The following MAPK8IP2 variants were observed in gnomAD, a reference collection of about 807,000 sequenced individuals.
MAPK8IP2 encodes the protein mitogen-activated protein kinase 8 interacting protein 2.
A neutral mutation model predicts 75.6 loss-of-function variants in MAPK8IP2; 15 were observed. That is an observed-to-expected ratio of 0.20 (90% CI 0.13 to 0.31). MAPK8IP2 has a LOEUF of 0.31. Among genes scored for constraint, MAPK8IP2 ranks in the 10% least tolerant of loss-of-function variants. MAPK8IP2 has a pLI of 1.00. For synonymous variants in MAPK8IP2, 632 were observed against 554.5 expected, an observed-to-expected ratio of 1.14 and a Z score of -1.96; for missense variants, 1,089 against 1,211.2, an observed-to-expected ratio of 0.90 and a Z score of 1.50.
chr22:50,606,528 C>T, intron 8 of MAPK8IP2, 130 bp from the exon 9 acceptor site: 1 of 704,876 alleles, frequency 1.4e-6, no homozygotes. Flanking sequence ...TCCAGAATTG[C>T]ATCTCAGGGT....
Position 50,605,351 on chromosome 22 carries a change from C to T in MAPK8IP2, c.1766-17C>T, listed in dbSNP as rs370839545. The T allele has an allele frequency of 4.3e-5, 70 of 1,610,552 alleles. No individual in the cohort carries two copies. In the Middle Eastern group the frequency reaches 9.9e-4, roughly 23 times the overall value. On this transcript the variant is annotated splice_polypyrimidine_tract_variant and intron_variant, in intron 5 of 11. Transcript: ENST00000329492. Reference sequence around the variant, plus strand: ...GTCTCCCTGTCTCCCCCGCCTCTGTCCTGCCGGGTCTCCCAGGCACCGAGT... The same window carrying T: ...GTCTCCCTGTCTCCCCCGCCTCTGTTCTGCCGGGTCTCCCAGGCACCGAGT...
At position 50,603,421 on chromosome 22, in the gene MAPK8IP2, C is replaced by A; in HGVS notation, c.370C>A (p.Leu124Ile). ...PGSEAPAPGP[L>I]IPSPSVEEPH... ...CTCAGAGGCACCTGCCCCCGGGCCC[C>A]TTATCCCCTCCCCTTCCGTGGAGGA... Residue 124 changes from leucine to isoleucine, a missense_variant, in exon 3 of 12, where the codon CTT (leucine) becomes ATT (isoleucine). Around this residue, in one of 2 missense-constraint regions of MAPK8IP2, gnomAD observed 960 missense variants for 1,009.6 expected, o/e 0.95. Coordinates refer to ENST00000329492, the MANE Select transcript of MAPK8IP2 (RefSeq NM_012324.6). 2 of 1,567,484 alleles carry A rather than the reference C, an allele frequency of 1.3e-6. No individual in the cohort carries two copies. The highest frequency in any genetic ancestry group is 1.7e-6 in the Non-Finnish European group (2 of 1,155,732).
In MAPK8IP2 at chr22:50,604,554, C is replaced by CCGCCCG. The variant is rs1184287009; in HGVS notation, c.1263_1268dup (p.Pro422_Ala423dup). 7 of 1,150,356 alleles carry CCGCCCG rather than the reference C, an allele frequency of 6.1e-6. No individual in the cohort carries two copies. Among genetic ancestry groups the CCGCCCG allele is most frequent in the Non-Finnish European group, 7.4e-6 (7 of 940,102 alleles). 71.3% of individuals were successfully genotyped at this position (1,150,356 alleles called of 1,614,324 possible). On this transcript the variant is annotated inframe_insertion, in exon 5 of 12. Coordinates refer to ENST00000329492, the MANE Select transcript of MAPK8IP2 (RefSeq NM_012324.6). ...CATGGAGACGCTGTGCGCGCCGCCG[C>CCGCCCG]CGCCCGCGCCCGCCGCGCCTCGACC...
chr22:50,608,376 T>A, intron 10 of MAPK8IP2, among the ~76,000 whole-genome samples: 1 of 96,052 alleles, frequency 1.0e-5, no homozygotes, highest in Admixed American at 1.2e-4. Context: ...GGTGGAAAGG[T>A]GGGACAGTGG....
Position 50,606,642 on chromosome 22 carries a change from C to G in MAPK8IP2, c.2125-16C>G. On this transcript the variant is annotated splice_polypyrimidine_tract_variant and intron_variant, in intron 8 of 11. Transcript: ENST00000329492. ...GGGCTCCTCAAGACCCTCTTCTCCC[C>G]CAACTTCTTCTGTAGATTGCCACTG... 6.4e-7 allele frequency: 1 copy of G among 1,571,498 alleles called. No individual in the cohort carries two copies.
Position 50,605,926 on chromosome 22 carries a change from A to G in MAPK8IP2, c.2116A>G (p.Met706Val), listed in dbSNP as rs1603444345. The change falls in exon 8 of 12, where the codon ATG becomes GTG. Residue 706 changes from methionine (M) to valine (V), a missense_variant. Around this residue, in one of 2 missense-constraint regions of MAPK8IP2, gnomAD observed 129 missense variants for 201.7 expected, o/e 0.64. Transcript: ENST00000329492. ...GGGCAACGGCATCCTGTGTGCAGCC[A>G]TGCAGAAGGTCAGTGTGGAGGCCGG... ...HQGNGILCAA[M>V]QKIATARKLT... 6.4e-7 allele frequency: 1 copy of G among 1,573,920 alleles called. No homozygotes were observed. The highest frequency in any genetic ancestry group is 1.2e-5 in the South Asian group (1 of 85,946).
rs1321271347 is a variant in MAPK8IP2, at chr22:50,607,182, C to A, written c.2303+191C>A. ...TGAGCTGGACTCAGGAGGCGTGGGTCAGACAGGCTTGCATCCAGTCTGGGT... is the reference window on the plus strand; with the variant it reads ...TGAGCTGGACTCAGGAGGCGTGGGTAAGACAGGCTTGCATCCAGTCTGGGT... On this transcript the variant is annotated intron_variant, in intron 10 of 11. Transcript: ENST00000329492. The surrounding 1 kb of genome is among the most constrained non-coding windows in gnomAD (Gnocchi z 5.6). Among the ~76,000 whole-genome samples the A allele has an allele frequency of 1.3e-5, 2 of 152,182 alleles. No homozygotes were observed. Among genetic ancestry groups the A allele is most frequent in the Non-Finnish European group, 2.9e-5 (2 of 68,042 alleles).
rs537273145 is a variant in MAPK8IP2, at chr22:50,601,440, C to T, written c.66-349C>T. ...CAGAGCAGGAGCGACCCCTCCCCAT[C>T]TGCCGCTGCCGCGTTGCAGCTCCCC... is the stretch of plus-strand genomic sequence containing the variant. On this transcript the variant is annotated intron_variant, in intron 1 of 11. Coordinates refer to ENST00000329492, the MANE Select transcript of MAPK8IP2 (RefSeq NM_012324.6). The T allele has an allele frequency of 4.4e-4, 111 of 253,896 alleles. 1 individual carries two copies. The South Asian group carries it at 6.1e-3, about 14-fold the overall frequency. The allele number at this position is 253,896 out of a possible 1,614,324, so 15.7% of individuals were successfully genotyped here.
At chr22:50,606,509 C>G (rs1035649997) in intron 8 of MAPK8IP2, 149 bp from the exon 9 acceptor site, 5 of 670,464 alleles carry the variant, frequency 7.5e-6, no homozygotes, top group African/African-American at 7.1e-5. Context: ...GGCCACACCC[C>G]TTATGTCTTC....
chr22:50,609,310 C>A (rs567808851), intron 10 of MAPK8IP2, among the ~76,000 whole-genome samples: 15 of 152,252 alleles, frequency 9.9e-5, no homozygotes, highest in African/African-American at 3.6e-4. Context: ...GCTCCTGAAC[C>A]TCTGTGCCTA....
intron 5 of MAPK8IP2, 53 bp from the exon 6 acceptor site, chr22:50,605,315 A>G: frequency 5.2e-6 from 8 of 1,547,452 alleles, no homozygotes; most frequent in Non-Finnish European, 6.2e-6. Context: ...TCTAAGCACT[A>G]CTCTGACTCT....
In MAPK8IP2 at chr22:50,605,569, C is replaced by G. The variant is rs773826411; in HGVS notation, c.1849C>G (p.Pro617Ala). The G allele has an allele frequency of 5.7e-6, 9 of 1,579,158 alleles. No individual in the cohort carries two copies. Among genetic ancestry groups the G allele is most frequent in the African/African-American group, 1.3e-5 (1 of 74,200 alleles). Residue 617 changes from proline to alanine, a missense_variant, in exon 7 of 12, where the codon CCG (proline) becomes GCG (alanine). Physicochemically the swap from Pro to Ala is conservative, Grantham distance 27. Coordinates refer to ENST00000329492, the MANE Select transcript of MAPK8IP2 (RefSeq NM_012324.6). ...CCTCTCCCCCAACGGCAGGTTCATC[C>G]CGCGGCATCCAGACGAGCTGGAGCT... ...QTHRAVFRFI[P>A]RHPDELELDV...
At chr22:50,602,814 G>A (rs936434654) in intron 2 of MAPK8IP2, among the ~76,000 whole-genome samples, 4 of 152,206 alleles carry the variant, frequency 2.6e-5, no homozygotes, top group East Asian at 1.9e-4. Context: ...TCTTGGGGGC[G>A]GGTGCAACAG....
In MAPK8IP2 at chr22:50,601,881, A is replaced by G. The variant is rs773885525; in HGVS notation, c.158A>G (p.Asp53Gly). 6.2e-7 allele frequency: 1 copy of G among 1,613,434 alleles called. No homozygotes were observed. Among genetic ancestry groups the G allele is most frequent in the Non-Finnish European group, 8.5e-7 (1 of 1,179,454 alleles). Residue 53 changes from aspartate to glycine, a missense_variant, in exon 2 of 12, where the codon GAC (aspartate) becomes GGC (glycine). Coordinates refer to ENST00000329492, the MANE Select transcript of MAPK8IP2 (RefSeq NM_012324.6). Reference protein sequence around the residue: ...DCGLGLSYDSDHCEKDSLSLG... With the variant: ...DCGLGLSYDSGHCEKDSLSLG... ...GGCCTGGGCCTCAGCTACGACTCAGACCACTGTGAGAAGGTGGGAGAAGAG... is the reference window on the plus strand; with the variant it reads ...GGCCTGGGCCTCAGCTACGACTCAGGCCACTGTGAGAAGGTGGGAGAAGAG...
At chr22:50,605,306 C>G in intron 5 of MAPK8IP2, 62 bp from the exon 6 acceptor site, 1 of 1,521,060 alleles carries the variant, frequency 6.6e-7, no homozygotes. Context: ...GGCCAGGCCT[C>G]TAAGCACTAC....
Position 50,603,506 on chromosome 22 carries a change from C to T in MAPK8IP2, c.447+8C>T. The T allele has an allele frequency of 1.3e-6, 2 of 1,563,630 alleles. No individual in the cohort carries two copies. Among genetic ancestry groups the T allele is most frequent in the Non-Finnish European group, 1.7e-6 (2 of 1,150,794 alleles). The stretch of plus-strand genomic sequence containing the variant: ...ACCACACTGGGGGCCCAGGTGAGTG[C>T]CCGGACCCACAGCTCCCTGGAGCTG... On this transcript the variant is annotated splice_region_variant and intron_variant, in intron 3 of 11. Transcript: ENST00000329492.
chr22:50,604,011 G>A lies in MAPK8IP2; in HGVS notation c.712G>A (p.Gly238Ser), dbSNP rs1432188094. The A allele has an allele frequency of 3.9e-5, 61 of 1,556,202 alleles. No individual in the cohort carries two copies. Among genetic ancestry groups the A allele is most frequent in the Non-Finnish European group, 5.2e-5 (60 of 1,159,060 alleles). Residue 238 changes from glycine to serine, a missense_variant, in exon 5 of 12, where the codon GGC becomes AGC. By Grantham distance (56) the Gly-to-Ser change is moderately conservative. Coordinates refer to ENST00000329492, the MANE Select transcript of MAPK8IP2 (RefSeq NM_012324.6). ...IEADLRSRSS[G>S]GRGGRRSSQE... is the part of the protein sequence containing the mutation. ...GGCTGACCTGAGAAGCCGCTCGAGCGGCGGCCGCGGGGGACGTCGCAGCAG... is the reference window on the plus strand; with the variant it reads ...GGCTGACCTGAGAAGCCGCTCGAGCAGCGGCCGCGGGGGACGTCGCAGCAG...
chr22:50,608,277 C>T (rs1001685128), intron 10 of MAPK8IP2, among the ~76,000 whole-genome samples: 18 of 140,806 alleles, frequency 1.3e-4, no homozygotes, highest in Non-Finnish European at 1.9e-4. Flanking sequence ...CAGCGGGCAG[C>T]GATGCAGACC....
chr22:50,602,651 A>T (rs777202320), intron 2 of MAPK8IP2, among the ~76,000 whole-genome samples: 2 of 152,076 alleles, frequency 1.3e-5, no homozygotes, highest in Non-Finnish European at 2.9e-5. Flanking sequence ...GGTAGGAGGG[A>T]ATGGAGGAGA....
Sources: allele counts gnomAD v4.1 joint callset (sites outside exome capture counted in the v4.1 genomes callset), GRCh38; gene constraint gnomAD v4.1.1; regional missense constraint gnomAD v4.1.1; non-coding constraint Gnocchi (gnomAD v3.1); transcripts MANE v1.5; gene names NCBI Gene and HGNC (gene_info 2026-07-23, HGNC 2026-07-21).